DYNC2LI1: variants seen among roughly 807,000 people sequenced by gnomAD.
DYNC2LI1 encodes the protein cytoplasmic dynein 2 light intermediate chain 1.
DYNC2LI1 carries 45 observed loss-of-function variants against 51.9 expected under a neutral mutation model. The ratio of observed to expected loss-of-function variants is 0.87; its 90% CI spans 0.68 to 1.11. DYNC2LI1 has a LOEUF of 1.11. DYNC2LI1 is among the 50% of genes most tolerant of loss of function. DYNC2LI1 has a pLI of 0.00. For synonymous variants in DYNC2LI1, 130 were observed against 137.8 expected, an observed-to-expected ratio of 0.94 and a Z score of 0.40; for missense variants, 490 against 417.4, an observed-to-expected ratio of 1.17 and a Z score of -1.51.
intron 3 of DYNC2LI1, among the ~76,000 whole-genome samples, chr2:43,786,972 T>A (rs1673551455): frequency 6.6e-6 from 1 of 152,278 alleles, no homozygotes; most frequent in African/African-American, 2.4e-5. Flanking sequence ...CTTTAGGGGC[T>A]ACCACATGCA....
chr2:43,803,577 C>T (rs546448077), intron 10 of DYNC2LI1, among the ~76,000 whole-genome samples: 12 of 152,230 alleles, frequency 7.9e-5, no homozygotes, highest in Middle Eastern at 6.8e-3. Context: ...GTCTATAAAA[C>T]GGCAACACAG....
the DYNC2LI1 span, among the ~76,000 whole-genome samples, chr2:43,816,690 C>T: frequency 1.8e-4 from 27 of 152,016 alleles, no homozygotes; most frequent in Non-Finnish European, 3.8e-4. Context: ...ATTACAGGCA[C>T]GTGACACCAC....
rs571361855 is a variant in DYNC2LI1 at position 43,789,366 on chromosome 2, G to A, written c.232-267G>A. Among the ~76,000 whole-genome samples the A allele has an allele frequency of 6.6e-5, 10 of 152,244 alleles. 2 individuals are homozygous for A. The East Asian group carries it at 1.9e-3, about 29-fold the overall frequency. On this transcript the variant is annotated intron_variant, in intron 4 of 12. Coordinates refer to ENST00000260605, the MANE Select transcript of DYNC2LI1 (RefSeq NM_016008.4). Reference sequence around the variant, plus strand: ...TGCTACATATGTTATTTACAAGATTGACGCACTGTTGATGTCTTCTGTTTA... The same window carrying A: ...TGCTACATATGTTATTTACAAGATTAACGCACTGTTGATGTCTTCTGTTTA...
chr2:43,809,786 A>G lies in DYNC2LI1; in HGVS notation c.*19A>G, dbSNP rs775767441. ...TTCTTGAACCTATTTCAATTATTGT[A>G]TATTTATTTCTTCTTTTCCAAATAC... On this transcript the variant is annotated 3_prime_UTR_variant, in exon 13 of 13. Transcript: ENST00000260605. 22 of 1,592,468 alleles carry G rather than the reference A, an allele frequency of 1.4e-5. No individual in the cohort carries two copies. The highest frequency in any genetic ancestry group is 7.1e-5 in the Admixed American group (4 of 56,728).
At chr2:43,799,755 G>A (rs967140542) in intron 8 of DYNC2LI1, among the ~76,000 whole-genome samples, 6 of 152,142 alleles carry the variant, frequency 3.9e-5, no homozygotes. Context: ...ATATGTTTGT[G>A]ATTAGGTTTT....
intron 1 of DYNC2LI1, among the ~76,000 whole-genome samples, chr2:43,775,193 C>G (rs1166084105): frequency 6.6e-6 from 1 of 152,054 alleles, no homozygotes; most frequent in Non-Finnish European, 1.5e-5. Context: ...TGGGGAATAG[C>G]ACAGAGGATT....
At chr2:43,789,333 T>A (rs2104684784) in intron 4 of DYNC2LI1, among the ~76,000 whole-genome samples, 1 of 152,350 alleles carries the variant, frequency 6.6e-6, no homozygotes, top group South Asian at 2.1e-4. Context: ...AAAATCTGCA[T>A]AAGTATATGC....
At chr2:43,820,582 C>CA in the DYNC2LI1 span, among the ~76,000 whole-genome samples, 3 of 152,190 alleles carry the variant, frequency 2.0e-5, no homozygotes, top group Non-Finnish European at 2.9e-5. Context: ...TGTCCTCGAT[C>CA]AGGTTAGCCC....
At chr2:43,774,193 C>A (rs530365187) in intron 1 of DYNC2LI1, 47 bp downstream of exon 1, 3 of 1,610,804 alleles carry the variant, frequency 1.9e-6, no homozygotes, top group African/African-American at 1.3e-5. Flanking sequence ...TGAGAGTATT[C>A]CTGGAGAGAG....
intron 9 of DYNC2LI1, chr2:43,801,299 C>A (rs1666071159): frequency 6.0e-6 from 1 of 166,008 alleles, no homozygotes; most frequent in Non-Finnish European, 1.3e-5. Flanking sequence ...CTTTTACTTC[C>A]TTTCCCACAC....
At chr2:43,786,598 GAGACCATCCTGGTCAGGAGATCT>G (rs1237832584) in intron 3 of DYNC2LI1, among the ~76,000 whole-genome samples, 2 of 152,058 alleles carry the variant, frequency 1.3e-5, no homozygotes, top group African/African-American at 2.4e-5. Context: ...TCAGGAGATC[GAGACCATCCTGGTCAGGAGATCT>G]AGACCATCCT....
At chr2:43,797,666 C>T (rs1214088209) in intron 8 of DYNC2LI1, among the ~76,000 whole-genome samples, 6 of 151,576 alleles carry the variant, frequency 4.0e-5, no homozygotes, top group Non-Finnish European at 8.8e-5. Context: ...ACTACAGGCA[C>T]GTGCCACCAC....
chr2:43,777,997 C>A (rs1251999458), intron 2 of DYNC2LI1, among the ~76,000 whole-genome samples: 1 of 152,066 alleles, frequency 6.6e-6, no homozygotes, highest in Non-Finnish European at 1.5e-5. Context: ...TAGTAAAATT[C>A]TAATCACTTA....
chr2:43,774,315 A>G (rs1672912077), intron 1 of DYNC2LI1, among the ~76,000 whole-genome samples, 169 bp downstream of exon 1: 2 of 152,354 alleles, frequency 1.3e-5, no homozygotes, highest in Non-Finnish European at 2.9e-5. Flanking sequence ...TTCTGCCGCA[A>G]ACAGGAAAGA....
intron 5 of DYNC2LI1, chr2:43,794,060 A>G (rs1299628115): frequency 1.2e-5 from 2 of 167,868 alleles, no homozygotes; most frequent in Admixed American, 1.1e-4. Context: ...CCATATATCT[A>G]TTTTCTTCTC....
the DYNC2LI1 span, chr2:43,827,900 C>T: frequency 6.3e-7 from 1 of 1,585,194 alleles, no homozygotes; most frequent in African/African-American, 1.3e-5. Flanking sequence ...CAAATGAGGA[C>T]CGTGAAGAAA....
the DYNC2LI1 span, chr2:43,824,831 T>C: frequency 6.2e-7 from 1 of 1,600,968 alleles, no homozygotes; most frequent in Non-Finnish European, 8.6e-7. Flanking sequence ...CAGGCAGAAG[T>C]CTGAGATGAG....
the DYNC2LI1 span, among the ~76,000 whole-genome samples, chr2:43,819,290 A>G: frequency 6.6e-6 from 1 of 152,182 alleles, no homozygotes; most frequent in Non-Finnish European, 1.5e-5. Flanking sequence ...GTGTGTGGAT[A>G]CATTTTTTCC....
chr2:43,796,744 A>G lies in DYNC2LI1; in HGVS notation c.603A>G (p.Val201=), dbSNP rs1665868815. The G allele has an allele frequency of 9.9e-6, 16 of 1,613,212 alleles. No homozygotes were observed. Among genetic ancestry groups the G allele is most frequent in the Non-Finnish European group, 1.4e-5 (16 of 1,179,554 alleles). Residue 201 remains valine (V), a synonymous_variant, in exon 8 of 13, where the codon GTA becomes GTG. Coordinates refer to ENST00000260605, the MANE Select transcript of DYNC2LI1 (RefSeq NM_016008.4). The part of the protein sequence containing the change: ...FQDFESEKRK[V]ICKTLRFVAH... ...ATTTTGAGTCTGAGAAGAGAAAGGT[A>G]ATATGCAAGACACTTCGATTTGTTG...
Sources: gnomAD v4.1 joint callset for allele counts (sites outside exome capture counted in the v4.1 genomes callset) on GRCh38, gnomAD v4.1.1 for gene constraint, MANE v1.5 for transcripts, NCBI Gene and HGNC (gene_info 2026-07-23, HGNC 2026-07-21) for gene names.